Variants in DLG2 observed in about 807,000 individuals in gnomAD.
The protein encoded by DLG2 is discs large MAGUK scaffold protein 2.
In DLG2, 45 loss-of-function variants were observed where a neutral mutation model predicts 132.5. The ratio of observed to expected loss-of-function variants is 0.34; its 90% CI spans 0.27 to 0.44. The LOEUF (loss-of-function observed/expected upper bound fraction) is 0.44. Among genes scored for constraint, DLG2 ranks in the 20% least tolerant of loss-of-function variants. The pLI, the probability that DLG2 is intolerant of heterozygous loss-of-function variation, is 1.00. For missense variants in DLG2, 1,045 were observed against 1,196.9 expected, an observed-to-expected ratio of 0.87 and a Z score of 1.87; for synonymous variants, 424 against 419.6, an observed-to-expected ratio of 1.01 and a Z score of -0.13.
At chr11:85,205,146 G>GTATATATATATATATATATATA (rs376041155) in intron 4 of DLG2, among the ~76,000 whole-genome samples, 3 of 141,690 alleles carry the variant, frequency 2.1e-5, no homozygotes, top group Non-Finnish European at 4.6e-5. Context: ...ATATGTGTGT[G>GTATATATATATATATATATATA]TATATATATA....
chr11:85,442,923 AGAAGAAGGAG>A (rs1322122558), intron 3 of DLG2, among the ~76,000 whole-genome samples: 3 of 152,098 alleles, frequency 2.0e-5, no homozygotes, highest in Non-Finnish European at 4.4e-5. Flanking sequence ...AGAAGAAAGA[AGAAGAAGGAG>A]GAAGAAGGAG....
rs148995569 is a variant in DLG2, at chr11:85,308,450, G to T, written c.41-23085C>A. ...GATCAGCTAATGTGAGGCTCTGGCA[G>T]AAAACCAGAGAATAGGAGAAGAGAA... is the stretch of plus-strand genomic sequence containing the variant. On this transcript the variant is annotated intron_variant, in intron 3 of 27. Transcript: ENST00000376104. Among the ~76,000 whole-genome samples the T allele has an allele frequency of 1.1e-4, 17 of 152,214 alleles. No individual in the cohort carries two copies. In the East Asian group the frequency reaches 3.3e-3, roughly 29 times the overall value.
At chr11:83,894,587 A>G (rs2070998751) in intron 15 of DLG2, among the ~76,000 whole-genome samples, 1 of 152,194 alleles carries the variant, frequency 6.6e-6, no homozygotes, top group South Asian at 2.1e-4. Context: ...ACAATGTGCA[A>G]TAATCACATC....
chr11:85,570,515 C>A lies in DLG2; in HGVS notation c.40+28142G>T, dbSNP rs1490216428. On this transcript the variant is annotated intron_variant, in intron 3 of 27. Coordinates refer to ENST00000376104, the MANE Select transcript of DLG2 (RefSeq NM_001142699.3). The stretch of plus-strand genomic sequence containing the variant: ...CTTCTCTCTTTCTTCTTTTAAAATT[C>A]TCTTTGGCTTTGGCTTTTATCAGTT... 4.6e-5 allele frequency among the ~76,000 whole-genome samples: 7 copies of A among 152,200 alleles called. No individual in the cohort carries two copies. The East Asian group carries it at 1.4e-3, about 29-fold the overall frequency.
intron 7 of DLG2, among the ~76,000 whole-genome samples, chr11:84,435,998 C>T (rs1567628180): frequency 1.3e-5 from 2 of 151,930 alleles, no homozygotes; most frequent in Non-Finnish European, 2.9e-5. Context: ...ACATTTGTTC[C>T]AATAAAAGAC....
At chr11:84,851,465 C>G (rs1196929052) in intron 6 of DLG2, among the ~76,000 whole-genome samples, 2 of 152,006 alleles carry the variant, frequency 1.3e-5, no homozygotes, top group Non-Finnish European at 2.9e-5. Flanking sequence ...AATTGGAGCC[C>G]AGGAGTTTTG....
intron 5 of DLG2, among the ~76,000 whole-genome samples, chr11:85,131,509 T>A (rs2075708407): frequency 6.6e-6 from 1 of 152,182 alleles, no homozygotes; most frequent in Admixed American, 6.5e-5. Context: ...TAAGATTTTT[T>A]AAAATTTATT....
intron 6 of DLG2, among the ~76,000 whole-genome samples, chr11:84,678,043 T>A (rs932641327): frequency 6.6e-6 from 1 of 152,090 alleles, no homozygotes; most frequent in African/African-American, 2.4e-5. Flanking sequence ...TTAATGAGTT[T>A]CAAAAGCTCA....
chr11:84,751,902 AC>A (rs959014460), intron 6 of DLG2, among the ~76,000 whole-genome samples: 3 of 152,194 alleles, frequency 2.0e-5, no homozygotes, highest in Non-Finnish European at 4.4e-5. Flanking sequence ...GTGGTAGGTT[AC>A]AAGCATAGAG....
chr11:83,853,780 T>C (rs1334873048), intron 16 of DLG2, among the ~76,000 whole-genome samples: 3 of 152,046 alleles, frequency 2.0e-5, no homozygotes, highest in Non-Finnish European at 2.9e-5. Context: ...TCATGCCTAA[T>C]GGTAAAAAAA....
chr11:84,249,887 C>T (rs754521648), intron 8 of DLG2, among the ~76,000 whole-genome samples: 10 of 152,156 alleles, frequency 6.6e-5, no homozygotes, highest in Non-Finnish European at 1.5e-4. Context: ...GTCAAGCTTG[C>T]TGTTATTCTT....
At chr11:84,906,403 C>CACACACAT in intron 6 of DLG2, among the ~76,000 whole-genome samples, 1 of 151,742 alleles carries the variant, frequency 6.6e-6, no homozygotes, top group African/African-American at 2.4e-5. Flanking sequence ...CACACACACA[C>CACACACAT]ACACACACAC....
intron 9 of DLG2, among the ~76,000 whole-genome samples, chr11:84,152,330 CTGTT>C (rs34924138): frequency 1.7e-4 from 25 of 149,130 alleles, no homozygotes; most frequent in Admixed American, 7.9e-4. Flanking sequence ...ATTTTAAAAT[CTGTT>C]TGTTTGTTTG....
At chr11:84,027,805 A>G (rs2095578653) in intron 11 of DLG2, among the ~76,000 whole-genome samples, 1 of 152,072 alleles carries the variant, frequency 6.6e-6, no homozygotes, top group Admixed American at 6.6e-5. Flanking sequence ...ATGGCAGTTC[A>G]GAGTGATATT....
At chr11:84,445,202 T>C (rs940200283) in intron 7 of DLG2, among the ~76,000 whole-genome samples, 28 of 152,334 alleles carry the variant, frequency 1.8e-4, no homozygotes, top group African/African-American at 6.0e-4. Context: ...CATTTTTTGT[T>C]ATAGTTTACT....
intron 6 of DLG2, among the ~76,000 whole-genome samples, chr11:84,555,902 G>A (rs1169102130): frequency 6.6e-6 from 1 of 152,224 alleles, no homozygotes; most frequent in Non-Finnish European, 1.5e-5. Flanking sequence ...GAGACCAGTT[G>A]GGAGGCATTT....
intron 6 of DLG2, among the ~76,000 whole-genome samples, chr11:84,987,151 C>A (rs2056586689): frequency 6.6e-6 from 1 of 152,050 alleles, no homozygotes; most frequent in Non-Finnish European, 1.5e-5. Flanking sequence ...AAGAACTCAA[C>A]CCCCTTTACA....
intron 6 of DLG2, among the ~76,000 whole-genome samples, chr11:84,716,571 G>A (rs570519516): frequency 6.6e-6 from 1 of 151,902 alleles, no homozygotes; most frequent in African/African-American, 2.4e-5. Flanking sequence ...TGAAGGTAAA[G>A]TTGATGCCTA....
At chr11:83,465,525 C>G (rs949060192) in intron 26 of DLG2, among the ~76,000 whole-genome samples, 1 of 152,178 alleles carries the variant, frequency 6.6e-6, no homozygotes, top group African/African-American at 2.4e-5. Flanking sequence ...AAAATTTGAT[C>G]AAGGCCCTCA....
Sources: allele counts gnomAD v4.1 joint callset (sites outside exome capture counted in the v4.1 genomes callset), GRCh38; gene constraint gnomAD v4.1.1; transcripts MANE v1.5; gene names NCBI Gene and HGNC (gene_info 2026-07-23, HGNC 2026-07-21).